Variants in SLC15A1 observed in about 807,000 individuals in gnomAD.
SLC15A1 encodes the protein Caco-2 oligopeptide transporter.
SLC15A1 carries 83 observed loss-of-function variants against 92.9 expected under a neutral mutation model. The ratio of observed to expected loss-of-function variants is 0.89; its 90% confidence interval spans 0.75 to 1.07. The LOEUF is 1.07. SLC15A1 is among the 50% of genes least tolerant of loss of function. The probability of loss-of-function intolerance (pLI) is 0.00; values close to 1 mark genes in which losing one functional copy is unlikely to be tolerated. For synonymous variants in SLC15A1, 322 were observed against 318.2 expected, an observed-to-expected ratio of 1.01 and a Z score of -0.13; for missense variants, 857 against 880.1, an observed-to-expected ratio of 0.97 and a Z score of 0.33.
intron 1 of SLC15A1, among the ~76,000 whole-genome samples, chr13:98,743,084 C>G (rs2088462490): frequency 6.6e-6 from 1 of 152,194 alleles, no homozygotes. Context: ...CAGATTTCCT[C>G]TTTTTGTGAG....
intron 1 of SLC15A1, among the ~76,000 whole-genome samples, chr13:98,728,228 G>A (rs1363052990): frequency 2.0e-5 from 3 of 152,146 alleles, no homozygotes; most frequent in African/African-American, 7.2e-5. Context: ...CTATGTGTCT[G>A]TTTCCATGCT....
chr13:98,751,350 C>T (rs187128383), intron 1 of SLC15A1, among the ~76,000 whole-genome samples: 1 of 152,296 alleles, frequency 6.6e-6, no homozygotes, highest in East Asian at 1.9e-4. Flanking sequence ...TAACAGCTCT[C>T]GGGATTGGAT....
intron 18 of SLC15A1, among the ~76,000 whole-genome samples, chr13:98,701,472 A>G (rs1188628557): frequency 2.0e-5 from 3 of 151,750 alleles, no homozygotes; most frequent in Non-Finnish European, 4.4e-5. Context: ...ATTGTCATCT[A>G]TAAAGTAGAA....
chr13:98,737,389 T>C (rs112312057), intron 1 of SLC15A1, among the ~76,000 whole-genome samples: 90 of 152,328 alleles, frequency 5.9e-4, no homozygotes, highest in African/African-American at 2.1e-3. Flanking sequence ...AAATACCTAA[T>C]GTAAATGACG....
At position 98,721,958 on chromosome 13, in the gene SLC15A1, C is replaced by G. The variant is rs1323188340; in HGVS notation, c.366-55G>C. 2.7e-6 allele frequency: 4 copies of G among 1,465,546 alleles called. No homozygotes were observed. The African/African-American group carries it at 5.6e-5, about 20-fold the overall frequency. The allele number at this position is 1,465,546 out of a possible 1,614,324, so 90.8% of individuals were successfully genotyped here. A position where few individuals can be genotyped will look rare whatever the true frequency, so the allele number is the denominator to read the frequency against. On this transcript the variant is annotated intron_variant, in intron 5 of 22. Coordinates refer to ENST00000376503, the MANE Select transcript of SLC15A1 (RefSeq NM_005073.4). ...TGGCAGATCCTCGCAAGTAGAAGGC[C>G]TCTCTTTTCCCCAGTTTCCCTCAGT...
At chr13:98,728,038 C>G (rs2088317317) in intron 1 of SLC15A1, among the ~76,000 whole-genome samples, 1 of 152,202 alleles carries the variant, frequency 6.6e-6, no homozygotes, top group Non-Finnish European at 1.5e-5. Context: ...GCATTTCTAA[C>G]AAGCTCCCAG....
chr13:98,746,111 G>A (rs920778750), intron 1 of SLC15A1, among the ~76,000 whole-genome samples: 39 of 152,082 alleles, frequency 2.6e-4, no homozygotes, highest in African/African-American at 8.9e-4. Context: ...CTGCTTATAC[G>A]TGGGAAAATG....
At chr13:98,748,400 C>T (rs181610696) in intron 1 of SLC15A1, among the ~76,000 whole-genome samples, 234 of 152,336 alleles carry the variant, frequency 1.5e-3, no homozygotes, top group African/African-American at 5.2e-3. Context: ...AAGTGATCCT[C>T]TGGCCTCAGC....
intron 7 of SLC15A1, chr13:98,721,175 G>C: frequency 1.8e-6 from 1 of 542,838 alleles, no homozygotes. Flanking sequence ...CACCAGCTTG[G>C]CTTCCAAGGC....
chr13:98,740,320 G>A (rs1296418984), intron 1 of SLC15A1, among the ~76,000 whole-genome samples: 4 of 152,186 alleles, frequency 2.6e-5, no homozygotes, highest in Non-Finnish European at 4.4e-5. Flanking sequence ...CACCTGGACT[G>A]TCCACCGTCC....
At chr13:98,734,884 T>G (rs1209267774) in intron 1 of SLC15A1, among the ~76,000 whole-genome samples, 5 of 152,176 alleles carry the variant, frequency 3.3e-5, no homozygotes, top group Non-Finnish European at 7.3e-5. Flanking sequence ...CCAGATGGAT[T>G]CACAGCCGAA....
At chr13:98,706,033 G>A in intron 16 of SLC15A1, 101 bp downstream of exon 16, 1 of 1,271,908 alleles carries the variant, frequency 7.9e-7, no homozygotes, top group Non-Finnish European at 1.1e-6. Flanking sequence ...TTCTGGGCTG[G>A]CCTTGGCATT....
At chr13:98,693,404 C>G (rs2087998107) in intron 18 of SLC15A1, among the ~76,000 whole-genome samples, 1 of 152,104 alleles carries the variant, frequency 6.6e-6, no homozygotes, top group African/African-American at 2.4e-5. Flanking sequence ...GGCCTATTGC[C>G]TATCTTTTTG....
At chr13:98,740,437 C>T (rs2088435140) in intron 1 of SLC15A1, among the ~76,000 whole-genome samples, 2 of 152,140 alleles carry the variant, frequency 1.3e-5, no homozygotes, top group Admixed American at 6.5e-5. Context: ...CATTCAAGGC[C>T]CCCCAGGGTC....
Position 98,745,452 on chromosome 13 carries a change from G to A in SLC15A1, c.4+7143C>T, listed in dbSNP as rs191218978. ...TCAATCTCAGAACTTGACCTTATTT[G>A]GAAATAGGATCATTACAGCTGTAAT... On this transcript the variant is annotated intron_variant, in intron 1 of 22. Transcript: ENST00000376503. Among the ~76,000 whole-genome samples the A allele has an allele frequency of 5.4e-3, 828 of 152,260 alleles. 7 individuals carry two copies. Among genetic ancestry groups the A allele is most frequent in the Non-Finnish European group, 9.6e-3 (653 of 68,024 alleles).
At chr13:98,726,763 G>A (rs1308469684) in intron 2 of SLC15A1, 80 bp downstream of exon 2, 3 of 1,355,712 alleles carry the variant, frequency 2.2e-6, no homozygotes, top group East Asian at 4.6e-5. Flanking sequence ...AGATCTGTTA[G>A]GTGAATGAAC....
chr13:98,704,138 G>A, intron 17 of SLC15A1, 151 bp downstream of exon 17: 1 of 653,818 alleles, frequency 1.5e-6, no homozygotes, highest in Non-Finnish European at 2.5e-6. Context: ...TCTGACAGGT[G>A]TTCTTGAAGT....
rs527766322 is a variant in SLC15A1, at chr13:98,689,741, T to C, written c.1467-1164A>G. Among the ~76,000 whole-genome samples, 4 of 152,332 alleles carry C rather than the reference T, an allele frequency of 2.6e-5. No homozygotes were observed. The South Asian group carries it at 6.2e-4, about 24-fold the overall frequency. Reference sequence around the variant, plus strand: ...CTGGGATTATGGGTATGAGTCATTATACCAGGCTGAGAGACAGCTTTAAGG... The same window carrying C: ...CTGGGATTATGGGTATGAGTCATTACACCAGGCTGAGAGACAGCTTTAAGG... On this transcript the variant is annotated intron_variant, in intron 18 of 22. Coordinates refer to ENST00000376503, the MANE Select transcript of SLC15A1 (RefSeq NM_005073.4).
intron 1 of SLC15A1, among the ~76,000 whole-genome samples, 189 bp downstream of exon 1, chr13:98,752,406 C>T (rs979522651): frequency 7.2e-5 from 11 of 152,146 alleles, no homozygotes; most frequent in African/African-American, 2.4e-4. Flanking sequence ...GCTTCCGCGC[C>T]CCGGCCGCAC....
Sources: allele counts gnomAD v4.1 joint callset (sites outside exome capture counted in the v4.1 genomes callset), GRCh38; gene constraint gnomAD v4.1.1; transcripts MANE v1.5; gene names NCBI Gene and HGNC (gene_info 2026-07-23, HGNC 2026-07-21).